DUSP3: variants seen among roughly 807,000 people sequenced by gnomAD.
DUSP3 encodes dual specificity protein phosphatase 3.
A neutral mutation model predicts 15.5 loss-of-function variants in DUSP3; 7 were observed. The ratio of observed to expected loss-of-function variants is 0.45; its 90% confidence interval spans 0.26 to 0.85. The LOEUF (loss-of-function observed/expected upper bound fraction) is 0.85, where lower values mean the gene tolerates loss of function less well. Among genes scored for constraint, DUSP3 ranks in the 40% least tolerant of loss-of-function variants. The pLI, the probability that DUSP3 is intolerant of heterozygous loss-of-function variation, is 0.18. For synonymous variants in DUSP3, 86 were observed against 104.2 expected, an observed-to-expected ratio of 0.83 and a Z score of 1.07; for missense variants, 209 against 251.7, an observed-to-expected ratio of 0.83 and a Z score of 1.15.
In DUSP3 at chr17:43,774,919, G is replaced by T; in HGVS notation, c.145C>A (p.Pro49Thr). 1 of 1,614,182 alleles carries T rather than the reference G, an allele frequency of 6.2e-7. No individual in the cohort carries two copies. Among genetic ancestry groups the T allele is most frequent in the Non-Finnish European group, 8.5e-7 (1 of 1,180,046 alleles). Residue 49 changes from proline (P) to threonine (T), a missense_variant, in exon 2 of 3, where the codon CCC becomes ACC. Physicochemically the swap from Pro to Thr is conservative, Grantham distance 38. Coordinates refer to ENST00000226004, the MANE Select transcript of DUSP3 (RefSeq NM_004090.4). The part of the protein sequence containing the change: ...VGNASVAQDI[P>T]KLQKLGITHV... Reference sequence around the variant, plus strand: ...GTGATGCCTAGTTTCTGCAGCTTGGGGATGTCCTGAGCCACAGACCTGGAC... The same window carrying T: ...GTGATGCCTAGTTTCTGCAGCTTGGTGATGTCCTGAGCCACAGACCTGGAC...
rs550170782 is a variant in DUSP3 at position 43,778,648 on chromosome 17, C to A, written c.125+152G>T. ...CCACGCGCGGGGGTAGGCGTCGACT[C>A]CAGGCCCCTCCCAAGCCCCCGCTGT... is the stretch of plus-strand genomic sequence containing the variant. On this transcript the variant is annotated intron_variant, in intron 1 of 2. Transcript: ENST00000226004. The A allele has an allele frequency of 2.9e-5, 32 of 1,114,318 alleles. No homozygotes were observed. The East Asian group carries it at 3.0e-4, about 10-fold the overall frequency. The allele number at this position is 1,114,318 out of a possible 1,614,324, so 69.0% of individuals were successfully genotyped here.
rs965357318 is a variant in DUSP3 at position 43,768,950 on chromosome 17, G to C, written c.*659C>G. The C allele has an allele frequency of 6.6e-6, 1 of 152,236 alleles. No homozygotes were observed. Among genetic ancestry groups the C allele is most frequent in the African/African-American group, 2.4e-5 (1 of 41,438 alleles). 9.4% of individuals were successfully genotyped at this position (152,236 alleles called of 1,614,324 possible). A position where few individuals can be genotyped will look rare whatever the true frequency, so the allele number is the denominator to read the frequency against. ...TTTGAAAACTCTATGGATTTAGGAG[G>C]GTTCTCCAGGTTTGCCCACAAGGCC... On this transcript the variant is annotated 3_prime_UTR_variant, in exon 3 of 3. Transcript: ENST00000226004.
Position 43,778,681 on chromosome 17 carries a change from G to A in DUSP3, c.125+119C>T, listed in dbSNP as rs1417415812. On this transcript the variant is annotated intron_variant, in intron 1 of 2. Transcript: ENST00000226004. The stretch of plus-strand genomic sequence containing the variant: ...CTCCCAAGCCCCCGCTGTGGCTCCC[G>A]GAGGGGCCATCGCGCCCGGGCTCCC... 2.0e-5 allele frequency: 26 copies of A among 1,295,124 alleles called. No individual in the cohort carries two copies. The South Asian group carries it at 4.6e-4, about 23-fold the overall frequency. The allele number at this position is 1,295,124 out of a possible 1,614,324, so 80.2% of individuals were successfully genotyped here.
rs1281973310 is a variant in DUSP3 at position 43,774,831 on chromosome 17, T to G, written c.233A>C (p.Tyr78Ser). 6.2e-7 allele frequency: 1 copy of G among 1,614,168 alleles called. No homozygotes were observed. Among genetic ancestry groups the G allele is most frequent in the Admixed American group, 1.7e-5 (1 of 60,018 alleles). ...CAGGTATGTGATGCCGGAGTCCTTG[T>G]AGAAGTTGGCATTGGTGTTGACGTG... The part of the protein sequence containing the change: ...FMHVNTNANF[Y>S]KDSGITYLGI... Residue 78 changes from tyrosine (Y) to serine (S), a missense_variant, in exon 2 of 3, where the codon TAC (tyrosine) becomes TCC (serine). Physicochemically the swap from Tyr to Ser is moderately radical, Grantham distance 144. Coordinates refer to ENST00000226004, the MANE Select transcript of DUSP3 (RefSeq NM_004090.4).
intron 2 of DUSP3, among the ~76,000 whole-genome samples, chr17:43,770,284 G>A (rs1212179793): frequency 6.6e-6 from 1 of 152,130 alleles, no homozygotes; most frequent in Non-Finnish European, 1.5e-5. Flanking sequence ...CTTAGCAGAA[G>A]CAACACGGAG....
In DUSP3 at chr17:43,769,485, T is replaced by G. The variant is rs1208556740; in HGVS notation, c.*124A>C. 1 of 1,170,754 alleles carries G rather than the reference T, an allele frequency of 8.5e-7. No homozygotes were observed. Among genetic ancestry groups the G allele is most frequent in the East Asian group, 2.5e-5 (1 of 39,800 alleles). The allele number at this position is 1,170,754 out of a possible 1,614,324, so 72.5% of individuals were successfully genotyped here. On this transcript the variant is annotated 3_prime_UTR_variant, in exon 3 of 3. Transcript: ENST00000226004. ...GGCCCAGGACTGTGTTGGGACACAC[T>G]TGTAGACAAGTGCCTTGTGATGCTG...
chr17:43,769,586 C>G lies in DUSP3; in HGVS notation c.*23G>C. 6.2e-7 allele frequency: 1 copy of G among 1,610,188 alleles called. No individual in the cohort carries two copies. Among genetic ancestry groups the G allele is most frequent in the Non-Finnish European group, 8.5e-7 (1 of 1,179,324 alleles). On this transcript the variant is annotated 3_prime_UTR_variant, in exon 3 of 3. Coordinates refer to ENST00000226004, the MANE Select transcript of DUSP3 (RefSeq NM_004090.4). Reference sequence around the variant, plus strand: ...CCCACGGCCTCCCCCACGGACCTCTCGAGCAGAGGTGGTGGGGGTGCCCTA... The same window carrying G: ...CCCACGGCCTCCCCCACGGACCTCTGGAGCAGAGGTGGTGGGGGTGCCCTA...
At chr17:43,770,229 C>T (rs1188816159) in intron 2 of DUSP3, among the ~76,000 whole-genome samples, 1 of 152,206 alleles carries the variant, frequency 6.6e-6, no homozygotes, top group Non-Finnish European at 1.5e-5. Context: ...CCCAAAGGCC[C>T]ATCCACAGTA....
At position 43,767,666 on chromosome 17, in the gene DUSP3, GA is replaced by G. The variant is rs1974258193; in HGVS notation, c.*1942del. ...GTGAGGCTCAAGTTAGATTAAGTTG[GA>G]AGGCTACCTAGAAGCTGTGCAGTGA... On this transcript the variant is annotated 3_prime_UTR_variant, in exon 3 of 3. Transcript: ENST00000226004. The G allele has an allele frequency of 6.6e-6, 1 of 152,216 alleles. No individual in the cohort carries two copies. Among genetic ancestry groups the G allele is most frequent in the Admixed American group, 6.5e-5 (1 of 15,282 alleles). 9.4% of individuals were successfully genotyped at this position (152,216 alleles called of 1,614,324 possible).
At chr17:43,776,968 C>G (rs921214541) in intron 1 of DUSP3, among the ~76,000 whole-genome samples, 1 of 151,534 alleles carries the variant, frequency 6.6e-6, no homozygotes, top group African/African-American at 2.4e-5. Context: ...ATTCATCTCC[C>G]TTCTCTAATA....
chr17:43,772,239 C>T (rs1450637647), intron 2 of DUSP3, among the ~76,000 whole-genome samples: 1 of 152,160 alleles, frequency 6.6e-6, no homozygotes, highest in Non-Finnish European at 1.5e-5. Context: ...CTCTATTTTC[C>T]CAATGCCTTC....
intron 2 of DUSP3, among the ~76,000 whole-genome samples, chr17:43,771,324 T>G (rs1268291062): frequency 6.6e-6 from 1 of 152,070 alleles, no homozygotes; most frequent in Non-Finnish European, 1.5e-5. Flanking sequence ...TTTTATGTTG[T>G]TTTTAATATT....
In DUSP3 at chr17:43,766,846, T is replaced by C. The variant is rs1266391166; in HGVS notation, c.*2763A>G. The stretch of plus-strand genomic sequence containing the variant: ...AACCATTTGGCGCTCTAATTTTGCC[T>C]GGATGGTGCTCTGTCAGTCAAAGAA... On this transcript the variant is annotated 3_prime_UTR_variant, in exon 3 of 3. Coordinates refer to ENST00000226004, the MANE Select transcript of DUSP3 (RefSeq NM_004090.4). 1 of 152,146 alleles carries C rather than the reference T, an allele frequency of 6.6e-6. No individual in the cohort carries two copies. The highest frequency in any genetic ancestry group is 2.4e-5 in the African/African-American group (1 of 41,416). The allele number at this position is 152,146 out of a possible 1,614,324, so 9.4% of individuals were successfully genotyped here. A position where few individuals can be genotyped will look rare whatever the true frequency, so the allele number is the denominator to read the frequency against.
At position 43,778,799 on chromosome 17, in the gene DUSP3, C is replaced by T; in HGVS notation, c.125+1G>A. 5.2e-6 allele frequency: 8 copies of T among 1,530,526 alleles called. No individual in the cohort carries two copies. The highest frequency in any genetic ancestry group is 1.4e-5 in the African/African-American group (1 of 70,038). The allele number at this position is 1,530,526 out of a possible 1,614,324, so 94.8% of individuals were successfully genotyped here. A position where few individuals can be genotyped will look rare whatever the true frequency, so the allele number is the denominator to read the frequency against. On this transcript the variant is annotated splice_donor_variant, in intron 1 of 2. Coordinates refer to ENST00000226004, the MANE Select transcript of DUSP3 (RefSeq NM_004090.4). LOFTEE classifies it high-confidence loss of function. The stretch of plus-strand genomic sequence containing the variant: ...GGGCCGGGCTCGCGAAAGGGACTCA[C>T]GCGTTGCCCACGTAGATCCGCGGGG...
chr17:43,778,949 C>A lies in DUSP3; in HGVS notation c.-25G>T, dbSNP rs761171022. 7.9e-6 allele frequency: 11 copies of A among 1,399,990 alleles called. No individual in the cohort carries two copies. In the East Asian group the frequency reaches 2.8e-4, roughly 36 times the overall value. 86.7% of individuals were successfully genotyped at this position (1,399,990 alleles called of 1,614,324 possible). ...TGGCGGCGGCGGGGCCCTGCACGCCCGGCAGGAGCAAGCGAGGCGGAGAGC... is the reference window on the plus strand; with the variant it reads ...TGGCGGCGGCGGGGCCCTGCACGCCAGGCAGGAGCAAGCGAGGCGGAGAGC... On this transcript the variant is annotated 5_prime_UTR_variant, in exon 1 of 3. Coordinates refer to ENST00000226004, the MANE Select transcript of DUSP3 (RefSeq NM_004090.4).
Position 43,778,938 on chromosome 17 carries a change from C to A in DUSP3, c.-14G>T. ...CGAGCCCGACATGGCGGCGGCGGGGCCCTGCACGCCCGGCAGGAGCAAGCG... is the reference window on the plus strand; with the variant it reads ...CGAGCCCGACATGGCGGCGGCGGGGACCTGCACGCCCGGCAGGAGCAAGCG... On this transcript the variant is annotated 5_prime_UTR_variant, in exon 1 of 3. Coordinates refer to ENST00000226004, the MANE Select transcript of DUSP3 (RefSeq NM_004090.4). The A allele has an allele frequency of 1.4e-6, 2 of 1,433,432 alleles. No homozygotes were observed. Among genetic ancestry groups the A allele is most frequent in the South Asian group, 2.8e-5 (2 of 71,700 alleles). 88.8% of individuals were successfully genotyped at this position (1,433,432 alleles called of 1,614,324 possible). A position where few individuals can be genotyped will look rare whatever the true frequency, so the allele number is the denominator to read the frequency against.
chr17:43,775,417 G>T (rs533014486), intron 1 of DUSP3, among the ~76,000 whole-genome samples: 1 of 152,264 alleles, frequency 6.6e-6, no homozygotes, highest in African/African-American at 2.4e-5. Flanking sequence ...TTCCCTCTCT[G>T]TAAAATGGGG....
At chr17:43,774,518 T>C (rs574607035) in intron 2 of DUSP3, among the ~76,000 whole-genome samples, 194 bp downstream of exon 2, 11 of 152,178 alleles carry the variant, frequency 7.2e-5, no homozygotes, top group Non-Finnish European at 1.5e-4. Flanking sequence ...TGTGAATGAG[T>C]TGCACATCCT....
At chr17:43,774,595 C>T in intron 2 of DUSP3, 117 bp downstream of exon 2, 1 of 1,156,654 alleles carries the variant, frequency 8.6e-7, no homozygotes, top group Non-Finnish European at 1.3e-6. Context: ...CTGTCGTTCA[C>T]CCCAGAAGAT....
Sources: gnomAD v4.1 joint callset for allele counts (sites outside exome capture counted in the v4.1 genomes callset) on GRCh38, gnomAD v4.1.1 for gene constraint, MANE v1.5 for transcripts, NCBI Gene and HGNC (gene_info 2026-07-23, HGNC 2026-07-21) for gene names.